Variants in SNX27 observed in about 807,000 individuals in gnomAD.
The protein encoded by SNX27 is sorting nexin-27.
A neutral mutation model predicts 71.6 loss-of-function variants in SNX27; 22 were observed. That is an observed-to-expected ratio of 0.31 (90% CI 0.22 to 0.44). The LOEUF (loss-of-function observed/expected upper bound fraction) is 0.44. SNX27 is among the 20% of genes least tolerant of loss of function. SNX27 has a pLI of 1.00. For missense variants in SNX27, 531 were observed against 698.6 expected (o/e 0.76, Z 2.70); for synonymous variants, 269 against 277.2 (o/e 0.97, Z 0.29).
chr1:151,656,455 G>A (rs1669697785), intron 2 of SNX27, among the ~76,000 whole-genome samples: 2 of 152,118 alleles, frequency 1.3e-5, no homozygotes, highest in Admixed American at 1.3e-4. Context: ...TTAGTAATTA[G>A]GATCACAGAA....
intron 1 of SNX27, among the ~76,000 whole-genome samples, chr1:151,613,726 C>G (rs1220675228): frequency 6.6e-6 from 1 of 152,072 alleles, no homozygotes; most frequent in Non-Finnish European, 1.5e-5. Context: ...TTACCCTAAT[C>G]TAGGTGTTAC....
rs922357269 is a variant in SNX27, at chr1:151,698,805, C to A, written c.*4388C>A. On this transcript the variant is annotated 3_prime_UTR_variant, in exon 12 of 12. Coordinates refer to ENST00000458013, the MANE Select transcript of SNX27 (RefSeq NM_001330723.2). Reference sequence around the variant, plus strand: ...GGACATTAATTTTATATCATGACCCCCTTTTAAGCCAGTGAGCTGGGCTTC... The same window carrying A: ...GGACATTAATTTTATATCATGACCCACTTTTAAGCCAGTGAGCTGGGCTTC... 6.6e-6 allele frequency: 1 copy of A among 152,610 alleles called. No individual in the cohort carries two copies. Among genetic ancestry groups the A allele is most frequent in the Non-Finnish European group, 1.5e-5 (1 of 68,036 alleles). The allele number at this position is 152,610 out of a possible 1,614,324, so 9.5% of individuals were successfully genotyped here. A position where few individuals can be genotyped will look rare whatever the true frequency, so the allele number is the denominator to read the frequency against.
intron 7 of SNX27, among the ~76,000 whole-genome samples, chr1:151,672,648 A>G (rs1468747247): frequency 1.3e-5 from 2 of 152,048 alleles, no homozygotes; most frequent in Admixed American, 1.3e-4. Flanking sequence ...TGGAGACTTT[A>G]TTATGGCTTC....
At chr1:151,652,930 T>C (rs1228262951) in intron 2 of SNX27, among the ~76,000 whole-genome samples, 1 of 145,726 alleles carries the variant, frequency 6.9e-6, no homozygotes, top group African/African-American at 2.5e-5. Flanking sequence ...TGGGTTTCTT[T>C]TTTTTTTTTT....
chr1:151,622,115 C>A (rs2102599791), intron 1 of SNX27, among the ~76,000 whole-genome samples: 1 of 152,266 alleles, frequency 6.6e-6, no homozygotes, highest in South Asian at 2.1e-4. Flanking sequence ...AAATTGTAGT[C>A]TGTGTTTCTC....
At chr1:151,651,486 G>A (rs1156559975) in intron 2 of SNX27, among the ~76,000 whole-genome samples, 1 of 150,238 alleles carries the variant, frequency 6.7e-6, no homozygotes, top group African/African-American at 2.4e-5. Flanking sequence ...CTTCTCAGAC[G>A]AGGCGGTTGC....
At position 151,668,737 on chromosome 1, in the gene SNX27, T is replaced by C; in HGVS notation, c.1149+102T>C. 6 of 1,003,562 alleles carry C rather than the reference T, an allele frequency of 6.0e-6. No homozygotes were observed. The South Asian group carries it at 1.1e-4, about 19-fold the overall frequency. The allele number at this position is 1,003,562 out of a possible 1,614,324, so 62.2% of individuals were successfully genotyped here. A position where few individuals can be genotyped will look rare whatever the true frequency, so the allele number is the denominator to read the frequency against. On this transcript the variant is annotated intron_variant, in intron 7 of 11. Coordinates refer to ENST00000458013, the MANE Select transcript of SNX27 (RefSeq NM_001330723.2). ...TAAATCCTTAGACAGGCTGCTTTGC[T>C]CCTGGGTCTGAATTACATTTGTAAA...
At position 151,697,542 on chromosome 1, in the gene SNX27, G is replaced by A. The variant is rs1330342242; in HGVS notation, c.*3125G>A. On this transcript the variant is annotated 3_prime_UTR_variant, in exon 12 of 12. Coordinates refer to ENST00000458013, the MANE Select transcript of SNX27 (RefSeq NM_001330723.2). ...ACAACGCACCCAGCTGCAGCAAGGA[G>A]GTGGGGAAGGAGGGCACCCCAAAGG... 6.5e-6 allele frequency: 1 copy of A among 152,812 alleles called. No individual in the cohort carries two copies. Among genetic ancestry groups the A allele is most frequent in the African/African-American group, 2.4e-5 (1 of 41,440 alleles). The allele number at this position is 152,812 out of a possible 1,614,324, so 9.5% of individuals were successfully genotyped here. A position where few individuals can be genotyped will look rare whatever the true frequency, so the allele number is the denominator to read the frequency against.
chr1:151,673,000 C>T (rs1055166294), intron 7 of SNX27, among the ~76,000 whole-genome samples: 13 of 149,160 alleles, frequency 8.7e-5, no homozygotes, highest in Admixed American at 6.7e-5. Context: ...TTTATTATTT[C>T]TTTTCTTCTA....
In SNX27 at chr1:151,688,719, G is replaced by A. The variant is rs559745501; in HGVS notation, c.1240-3716G>A. ...TAACTCATTTTAGGTTTAGGGACACGTGCAGATTTGTTACATAGATAAACT... is the reference window on the plus strand; with the variant it reads ...TAACTCATTTTAGGTTTAGGGACACATGCAGATTTGTTACATAGATAAACT... On this transcript the variant is annotated intron_variant, in intron 8 of 11. Transcript: ENST00000458013. 3.1e-4 allele frequency among the ~76,000 whole-genome samples: 47 copies of A among 151,938 alleles called. No homozygotes were observed. The South Asian group carries it at 9.8e-3, about 32-fold the overall frequency.
intron 7 of SNX27, chr1:151,675,759 GTCTTTCTT>G (rs1340856050): frequency 8.7e-6 from 1 of 114,432 alleles, no homozygotes; most frequent in Non-Finnish European, 1.8e-5. Flanking sequence ...TTTGGTGTCT[GTCTTTCTT>G]TCTTTCTTTC....
intron 1 of SNX27, among the ~76,000 whole-genome samples, chr1:151,631,136 A>G (rs11204861): frequency 0.022 from 3,401 of 152,346 alleles, 124 homozygotes; most frequent in African/African-American, 0.078. Context: ...TTAACTGCAA[A>G]AATTAGAAAG....
chr1:151,688,031 A>T (rs1671264822), intron 8 of SNX27, among the ~76,000 whole-genome samples: 1 of 151,868 alleles, frequency 6.6e-6, no homozygotes, highest in African/African-American at 2.4e-5. Flanking sequence ...GAACATTTAT[A>T]AAATATCCTG....
At chr1:151,656,534 T>C (rs1297815078) in intron 2 of SNX27, among the ~76,000 whole-genome samples, 1 of 152,352 alleles carries the variant, frequency 6.6e-6, no homozygotes, top group Non-Finnish European at 1.5e-5. Context: ...AGAGAATAAA[T>C]TGGTACAACC....
At chr1:151,686,021 A>ACCAATAC (rs1671180371) in intron 8 of SNX27, among the ~76,000 whole-genome samples, 1 of 152,238 alleles carries the variant, frequency 6.6e-6, no homozygotes, top group Non-Finnish European at 1.5e-5. Flanking sequence ...CATGATTCTG[A>ACCAATAC]CCAATACATT....
intron 1 of SNX27, chr1:151,613,161 C>G (rs1157340544): frequency 6.6e-6 from 1 of 152,286 alleles, no homozygotes; most frequent in Non-Finnish European, 1.5e-5. Context: ...TTCCTCCCCT[C>G]CTTTTTGTAT....
At chr1:151,652,644 G>A (rs1027060369) in intron 2 of SNX27, among the ~76,000 whole-genome samples, 14 of 151,654 alleles carry the variant, frequency 9.2e-5, no homozygotes, top group African/African-American at 3.2e-4. Flanking sequence ...AACTCCTGAC[G>A]TTGTGATCCA....
intron 7 of SNX27, among the ~76,000 whole-genome samples, chr1:151,681,470 C>T (rs1206781737): frequency 6.6e-6 from 1 of 151,856 alleles, no homozygotes; most frequent in African/African-American, 2.4e-5. Flanking sequence ...TCTCGATCTC[C>T]TGACCTCGTG....
intron 1 of SNX27, among the ~76,000 whole-genome samples, chr1:151,613,736 C>A (rs946849358): frequency 2.0e-5 from 3 of 152,076 alleles, no homozygotes; most frequent in Non-Finnish European, 4.4e-5. Context: ...CTAGGTGTTA[C>A]ATTTGCCTTT....
Sources: allele counts gnomAD v4.1 joint callset (sites outside exome capture counted in the v4.1 genomes callset), GRCh38; gene constraint gnomAD v4.1.1; transcripts MANE v1.5; gene names NCBI Gene and HGNC (gene_info 2026-07-23, HGNC 2026-07-21).